Variants in PCDHGA4 observed in about 807,000 individuals in gnomAD.
PCDHGA4 encodes protocadherin gamma-A4.
In PCDHGA4, 38 loss-of-function variants were observed where a neutral mutation model predicts 54.6. That is an observed-to-expected ratio of 0.70 (90% CI 0.54 to 0.91). The LOEUF is 0.91. Ranked by LOEUF, PCDHGA4 falls within the 40% of genes least tolerant of loss-of-function variation. The pLI is 0.00. For missense variants in PCDHGA4, 1,298 were observed against 1,220.9 expected (o/e 1.06, Z -0.94); for synonymous variants, 511 against 512.9 (o/e 1.00, Z 0.05).
intron 1 of PCDHGA4, chr5:141,421,852 C>T: frequency 6.2e-7 from 1 of 1,613,770 alleles, no homozygotes; most frequent in South Asian, 1.1e-5. Context: ...AGAGGCTGCT[C>T]ACCTGCTCCT....
intron 1 of PCDHGA4, among the ~76,000 whole-genome samples, chr5:141,407,290 G>A (rs1025830566): frequency 3.3e-5 from 5 of 152,154 alleles, no homozygotes; most frequent in African/African-American, 1.2e-4. Context: ...TACAATTTCT[G>A]TTCTGAGGAG....
chr5:141,390,388 G>A, intron 1 of PCDHGA4: 1 of 1,423,474 alleles, frequency 7.0e-7, no homozygotes, highest in African/African-American at 1.4e-5. Flanking sequence ...TAGATGTCAT[G>A]GATCATTTTA....
chr5:141,364,250 A>G, intron 1 of PCDHGA4: 2 of 1,482,280 alleles, frequency 1.3e-6, no homozygotes, highest in Non-Finnish European at 1.8e-6. Flanking sequence ...TCGTCAGGGA[A>G]TATGTACCCA....
At chr5:141,362,074 C>A (rs1441916525) in intron 1 of PCDHGA4, 1 of 1,612,448 alleles carries the variant, frequency 6.2e-7, no homozygotes, top group East Asian at 2.2e-5. Context: ...GGTCGCTGTG[C>A]GTGATGGAGG....
intron 3 of PCDHGA4, among the ~76,000 whole-genome samples, chr5:141,505,729 G>A (rs1026403192): frequency 7.9e-5 from 12 of 152,286 alleles, no homozygotes; most frequent in African/African-American, 2.9e-4. Flanking sequence ...AGGGAATAGT[G>A]GTTACAAGTC....
intron 1 of PCDHGA4, among the ~76,000 whole-genome samples, chr5:141,434,029 A>C (rs970204484): frequency 2.6e-5 from 4 of 152,126 alleles, no homozygotes; most frequent in Admixed American, 2.6e-4. Context: ...TTCTGGAAGC[A>C]TGGTTTTCTA....
At position 141,476,752 on chromosome 5, in the gene PCDHGA4, A is replaced by C. The variant is rs771355583; in HGVS notation, c.2515-18055A>C. The C allele has an allele frequency of 6.2e-7, 1 of 1,613,926 alleles. No homozygotes were observed. The highest frequency in any genetic ancestry group is 1.1e-5 in the South Asian group (1 of 91,080). Reference sequence around the variant, plus strand: ...GAGAACGGGAGCCTAGTCTCCAGTTAGTGCTGACGGCGTTGGACGGAGGGA... The same window carrying C: ...GAGAACGGGAGCCTAGTCTCCAGTTCGTGCTGACGGCGTTGGACGGAGGGA... On this transcript the variant is annotated intron_variant, in intron 1 of 3. Transcript: ENST00000571252. The surrounding 1 kb of genome is among the most constrained non-coding windows in gnomAD (Gnocchi z 7.6).
chr5:141,396,295 AG>A (rs1561657375), intron 1 of PCDHGA4: 1 of 151,978 alleles, frequency 6.6e-6, no homozygotes, highest in African/African-American at 2.4e-5. Flanking sequence ...ACTCCAGCCT[AG>A]GTGGCAGAAC....
chr5:141,367,006 C>A (rs1157671027), intron 1 of PCDHGA4: 2 of 429,920 alleles, frequency 4.7e-6, no homozygotes, highest in Non-Finnish European at 4.0e-6. Flanking sequence ...ATCATTTTAC[C>A]CAAATATTTT....
intron 1 of PCDHGA4, chr5:141,484,931 A>G (rs940135310): frequency 1.4e-5 from 7 of 497,998 alleles, no homozygotes; most frequent in Non-Finnish European, 2.5e-5. Flanking sequence ...TGCTGTTGGG[A>G]CGTTCTCTGC....
chr5:141,472,980 C>CAAAAAAAAAAA (rs60579131), intron 1 of PCDHGA4, among the ~76,000 whole-genome samples: 11 of 86,030 alleles, frequency 1.3e-4, no homozygotes, highest in Non-Finnish European at 1.3e-4. Flanking sequence ...GAGTGAAACT[C>CAAAAAAAAAAA]AAAAAAAAAA....
At chr5:141,365,693 G>T in intron 1 of PCDHGA4, 1 of 1,613,362 alleles carries the variant, frequency 6.2e-7, no homozygotes, top group Non-Finnish European at 8.5e-7. Flanking sequence ...TTTCCCTCAA[G>T]CCTCCTACTC....
intron 2 of PCDHGA4, among the ~76,000 whole-genome samples, chr5:141,498,971 G>GGAA (rs2099787559): frequency 9.0e-6 from 1 of 110,972 alleles, no homozygotes; most frequent in African/African-American, 3.6e-5. Flanking sequence ...GAGGGAGGGA[G>GGAA]GGAAGGAAGG....
At chr5:141,455,292 G>A (rs2098818902) in intron 1 of PCDHGA4, among the ~76,000 whole-genome samples, 1 of 152,068 alleles carries the variant, frequency 6.6e-6, no homozygotes, top group East Asian at 1.9e-4. Context: ...ACTTTACATA[G>A]TTTCATCTTG....
intron 1 of PCDHGA4, chr5:141,390,432 C>T: frequency 2.0e-6 from 2 of 985,350 alleles, no homozygotes; most frequent in South Asian, 3.4e-5. Context: ...GCTGTCATAT[C>T]ATTCTACAAA....
chr5:141,509,115 G>C (rs1480955058), intron 3 of PCDHGA4, among the ~76,000 whole-genome samples: 1 of 152,186 alleles, frequency 6.6e-6, no homozygotes, highest in Non-Finnish European at 1.5e-5. Flanking sequence ...GAGCGCTGGT[G>C]CGTGAAGAGA....
intron 1 of PCDHGA4, chr5:141,398,838 T>C: frequency 6.2e-7 from 1 of 1,613,946 alleles, no homozygotes; most frequent in Non-Finnish European, 8.5e-7. Context: ...ACGCCAATGA[T>C]AATCCCCCGG....
At chr5:141,411,417 C>T (rs2095487286) in intron 1 of PCDHGA4, 1 of 148,614 alleles carries the variant, frequency 6.7e-6, no homozygotes, top group Non-Finnish European at 1.5e-5. Context: ...ACTAAAACAA[C>T]AACAACAAAA....
At chr5:141,370,526 C>G in intron 1 of PCDHGA4, 1 of 1,613,860 alleles carries the variant, frequency 6.2e-7, no homozygotes, top group Non-Finnish European at 8.5e-7. Flanking sequence ...TGGACAGGGG[C>G]TCGCTGGTAG....
Sources: gnomAD v4.1 joint callset for allele counts (sites outside exome capture counted in the v4.1 genomes callset) on GRCh38, gnomAD v4.1.1 for gene constraint, Gnocchi (gnomAD v3.1) non-coding constraint, MANE v1.5 for transcripts, NCBI Gene and HGNC (gene_info 2026-07-23, HGNC 2026-07-21) for gene names.